Variants in TIAM2 observed in about 807,000 individuals in gnomAD.
The protein encoded by TIAM2 is rho guanine nucleotide exchange factor TIAM2.
Under a neutral mutation model 152.9 loss-of-function variants are expected in TIAM2, and 80 were observed. That is an observed-to-expected ratio of 0.52 (90% CI 0.44 to 0.63). TIAM2 has a LOEUF of 0.63. Ranked by LOEUF, TIAM2 falls within the 30% of genes least tolerant of loss-of-function variation. TIAM2 has a pLI of 0.00. For synonymous variants in TIAM2, 804 were observed against 838.0 expected (o/e 0.96, Z 0.70); for missense variants, 1,965 against 2,120.1 (o/e 0.93, Z 1.44).
intron 1 of TIAM2, among the ~76,000 whole-genome samples, chr6:155,062,096 G>GC (rs1283263525): frequency 0.013 from 359 of 27,782 alleles, no homozygotes; most frequent in Non-Finnish European, 0.018. Context: ...CCCCCCCACC[G>GC]CCCCCGCGCA....
chr6:155,076,076 CTG>C (rs991881289), intron 1 of TIAM2, among the ~76,000 whole-genome samples: 49 of 152,314 alleles, frequency 3.2e-4, no homozygotes, highest in African/African-American at 1.2e-3. Context: ...TGCATTTTGA[CTG>C]TGACCTGTCT....
chr6:155,006,348 C>T (rs1270479171), intron 1 of TIAM2, among the ~76,000 whole-genome samples: 1 of 151,944 alleles, frequency 6.6e-6, no homozygotes, highest in East Asian at 1.9e-4. Flanking sequence ...CAGTAACACC[C>T]AGGGCTCAAG....
chr6:155,176,708 G>T (rs1780767457), intron 9 of TIAM2, 108 bp from the exon 10 acceptor site: 3 of 1,191,796 alleles, frequency 2.5e-6, no homozygotes, highest in Non-Finnish European at 3.6e-6. Context: ...TGTGAAGCGT[G>T]TGAGCGTTTA....
chr6:155,140,866 C>A (rs1280882067), intron 5 of TIAM2, among the ~76,000 whole-genome samples: 1 of 152,138 alleles, frequency 6.6e-6, no homozygotes, highest in African/African-American at 2.4e-5. Context: ...GCCATGGGCA[C>A]GTGGAAAGAT....
intron 1 of TIAM2, among the ~76,000 whole-genome samples, chr6:154,998,610 AG>A (rs1778261729): frequency 6.6e-6 from 1 of 152,216 alleles, no homozygotes; most frequent in Non-Finnish European, 1.5e-5. Context: ...AGCATTTATA[AG>A]ATTGTGATAT....
intron 2 of TIAM2, among the ~76,000 whole-genome samples, chr6:155,098,529 A>G (rs1309892949): frequency 2.0e-5 from 3 of 152,122 alleles, no homozygotes; most frequent in Non-Finnish European, 4.4e-5. Context: ...TTTATTTTGT[A>G]TCCTGCAATT....
chr6:155,220,486 T>A (rs984769889), intron 15 of TIAM2, among the ~76,000 whole-genome samples: 1 of 152,180 alleles, frequency 6.6e-6, no homozygotes, highest in Non-Finnish European at 1.5e-5. Context: ...CCAGTGCTTG[T>A]GTCTCCTGAT....
chr6:155,220,510 G>A (rs1330781915), intron 15 of TIAM2, among the ~76,000 whole-genome samples: 1 of 152,196 alleles, frequency 6.6e-6, no homozygotes, highest in East Asian at 1.9e-4. Context: ...GATCTGGAAA[G>A]TAAGGATGAT....
chr6:155,211,076 C>T (rs560957964), intron 14 of TIAM2, 128 bp from the exon 15 acceptor site: 13 of 647,338 alleles, frequency 2.0e-5, no homozygotes, highest in South Asian at 8.3e-5. Flanking sequence ...CAGTGTCATT[C>T]AGGACTGCTC....
chr6:155,087,427 A>G (rs1263307986), intron 1 of TIAM2, among the ~76,000 whole-genome samples: 4 of 152,216 alleles, frequency 2.6e-5, no homozygotes, highest in Non-Finnish European at 5.9e-5. Flanking sequence ...GTGAAGCTTG[A>G]TTCAGTATTC....
At chr6:155,114,050 C>CTTTTTTT (rs1275422426) in intron 2 of TIAM2, among the ~76,000 whole-genome samples, 17 of 58,248 alleles carry the variant, frequency 2.9e-4, no homozygotes, top group Non-Finnish European at 4.0e-4. Flanking sequence ...TTTTTTTTTT[C>CTTTTTTT]TTTTTTTTTT....
rs1169692768 is a variant in TIAM2 at position 155,243,989 on chromosome 6, ACTTT to A, written c.3349-18_3349-15del. ...TTTTGGAGACTAAAGCGTTGAAGAC[ACTTT>A]CTTCTATTTTCTTTCAGGATTTGAG... On this transcript the variant is annotated intron_variant, in intron 16 of 26. Transcript: ENST00000682666. 5 of 1,609,106 alleles carry A rather than the reference ACTTT, an allele frequency of 3.1e-6. No homozygotes were observed. The highest frequency in any genetic ancestry group is 3.4e-6 in the Non-Finnish European group (4 of 1,176,232).
chr6:155,232,885 A>G (rs546248503), intron 15 of TIAM2: 1 of 152,342 alleles, frequency 6.6e-6, no homozygotes, highest in East Asian at 1.9e-4. Context: ...TGTAGTACAC[A>G]CTGCAAATGC....
At chr6:155,220,212 T>G (rs1781995492) in intron 15 of TIAM2, among the ~76,000 whole-genome samples, 1 of 152,254 alleles carries the variant, frequency 6.6e-6, no homozygotes, top group South Asian at 2.1e-4. Context: ...TGATGAGTCC[T>G]CAGCTGGCTG....
chr6:155,236,833 G>A (rs1003118258), intron 15 of TIAM2, among the ~76,000 whole-genome samples: 5 of 152,124 alleles, frequency 3.3e-5, no homozygotes, highest in Non-Finnish European at 7.3e-5. Context: ...ATCTCCCACT[G>A]GGCCCCTCCC....
intron 15 of TIAM2, among the ~76,000 whole-genome samples, chr6:155,225,213 C>A (rs895587664): frequency 1.3e-5 from 2 of 152,298 alleles, no homozygotes. Flanking sequence ...ACCTCGGCCT[C>A]CCAAAGTGCT....
chr6:155,215,489 C>CT (rs36012834), intron 15 of TIAM2, among the ~76,000 whole-genome samples: 1 of 152,106 alleles, frequency 6.6e-6, no homozygotes, highest in Non-Finnish European at 1.5e-5. Context: ...ATCACCTTAC[C>CT]TTTTTAAGAT....
chr6:155,180,870 AAGTGC>A (rs1489251717), intron 12 of TIAM2, among the ~76,000 whole-genome samples: 1 of 152,096 alleles, frequency 6.6e-6, no homozygotes, highest in Non-Finnish European at 1.5e-5. Context: ...CAGCCTCCCA[AAGTGC>A]TGGGATTACA....
chr6:155,001,890 G>T (rs1778317851), intron 1 of TIAM2, among the ~76,000 whole-genome samples: 1 of 152,182 alleles, frequency 6.6e-6, no homozygotes, highest in Admixed American at 6.6e-5. Flanking sequence ...TAATAAATAA[G>T]CTTGCAAATC....
Sources: gnomAD v4.1 joint callset for allele counts (sites outside exome capture counted in the v4.1 genomes callset) on GRCh38, gnomAD v4.1.1 for gene constraint, MANE v1.5 for transcripts, NCBI Gene and HGNC (gene_info 2026-07-23, HGNC 2026-07-21) for gene names.